Variants in STK38L observed in about 807,000 individuals in gnomAD.
STK38L encodes the protein serine/threonine kinase 38 like.
STK38L carries 28 observed loss-of-function variants against 59.7 expected under a neutral mutation model. The ratio of observed to expected loss-of-function variants is 0.47; its 90% CI spans 0.35 to 0.64. STK38L has a LOEUF of 0.64. Ranked by LOEUF, STK38L falls within the 30% of genes least tolerant of loss-of-function variation. The pLI is 0.01. For synonymous variants in STK38L, 162 were observed against 176.8 expected (o/e 0.92, Z 0.66); for missense variants, 314 against 555.8 (o/e 0.56, Z 4.37).
intron 1 of STK38L, chr12:27,245,618 ATTAAG>A (rs1035173063): frequency 6.6e-6 from 1 of 152,116 alleles, no homozygotes; most frequent in African/African-American, 2.4e-5. Context: ...ATGTAAAACA[ATTAAG>A]TTTATTATAC....
At chr12:27,312,794 T>A in intron 6 of STK38L, 122 bp downstream of exon 6, 1 of 1,184,936 alleles carries the variant, frequency 8.4e-7, no homozygotes, top group Non-Finnish European at 1.2e-6. Flanking sequence ...AGTCACAGTT[T>A]AAAAATATTT....
At chr12:27,282,311 AATT>A (rs1476090564) in intron 1 of STK38L, among the ~76,000 whole-genome samples, 3 of 152,180 alleles carry the variant, frequency 2.0e-5, no homozygotes, top group Admixed American at 6.5e-5. Context: ...TATAAGTAGA[AATT>A]ATGTAAATAT....
chr12:27,322,569 C>A lies in STK38L; in HGVS notation c.*114C>A. 1 of 1,376,394 alleles carries A rather than the reference C, an allele frequency of 7.3e-7. No homozygotes were observed. The highest frequency in any genetic ancestry group is 9.6e-7 in the Non-Finnish European group (1 of 1,040,392). The allele number at this position is 1,376,394 out of a possible 1,614,324, so 85.3% of individuals were successfully genotyped here. ...TCCTGAAGATGGTGGTGCTTATTGA[C>A]TACAAGAGGAAATTCTACAGGATTA... On this transcript the variant is annotated 3_prime_UTR_variant, in exon 14 of 14. Coordinates refer to ENST00000389032, the MANE Select transcript of STK38L (RefSeq NM_015000.4).
At chr12:27,307,576 C>CT (rs1486885949) in intron 3 of STK38L, among the ~76,000 whole-genome samples, 2 of 152,160 alleles carry the variant, frequency 1.3e-5, no homozygotes, top group African/African-American at 4.8e-5. Context: ...TTCTTTTCCA[C>CT]TTAGTGTTTC....
At chr12:27,321,897 A>AT (rs1382315903) in intron 12 of STK38L, among the ~76,000 whole-genome samples, 1 of 152,158 alleles carries the variant, frequency 6.6e-6, no homozygotes, top group African/African-American at 2.4e-5. Context: ...CCCTATAAAT[A>AT]TATATACCTA....
At chr12:27,277,227 CGAGTAATTACTCGTACTTTTAAAAGTAT>C (rs1943555095) in intron 1 of STK38L, among the ~76,000 whole-genome samples, 2 of 148,008 alleles carry the variant, frequency 1.4e-5, no homozygotes, top group Non-Finnish European at 3.0e-5. Context: ...ATTTAAAGTA[CGAGTAATTACTCGTACTTTTAAAAGTAT>C]AAAGTATAAA....
At chr12:27,279,670 C>T (rs1005433065) in intron 1 of STK38L, among the ~76,000 whole-genome samples, 3 of 134,760 alleles carry the variant, frequency 2.2e-5, no homozygotes, top group African/African-American at 2.7e-5. Context: ...GAAGTTTCAG[C>T]GAGCTAAAAA....
intron 3 of STK38L, among the ~76,000 whole-genome samples, chr12:27,307,530 A>T (rs1800382144): frequency 1.3e-5 from 2 of 152,212 alleles, no homozygotes. Context: ...ATTCAGTTGA[A>T]GATGAACAGG....
intron 1 of STK38L, among the ~76,000 whole-genome samples, chr12:27,269,304 G>T (rs2136616472): frequency 6.6e-6 from 1 of 152,246 alleles, no homozygotes; most frequent in African/African-American, 2.4e-5. Context: ...TGTATAAGGT[G>T]TAAGGAAGGG....
At chr12:27,248,503 GA>G (rs1942904690) in intron 1 of STK38L, among the ~76,000 whole-genome samples, 1 of 152,148 alleles carries the variant, frequency 6.6e-6, no homozygotes, top group Non-Finnish European at 1.5e-5. Flanking sequence ...TTAAAGGTTA[GA>G]AAAAAAGTAT....
rs1187102840 is a variant in STK38L at position 27,323,501 on chromosome 12, G to T, written c.*1046G>T. 6.6e-6 allele frequency: 1 copy of T among 152,488 alleles called. No homozygotes were observed. The highest frequency in any genetic ancestry group is 1.5e-5 in the Non-Finnish European group (1 of 67,976). The allele number at this position is 152,488 out of a possible 1,614,324, so 9.4% of individuals were successfully genotyped here. A position where few individuals can be genotyped will look rare whatever the true frequency, so the allele number is the denominator to read the frequency against. On this transcript the variant is annotated 3_prime_UTR_variant, in exon 14 of 14. Coordinates refer to ENST00000389032, the MANE Select transcript of STK38L (RefSeq NM_015000.4). ...TTTGATGAAAATTTTTCCTTTGATAGTACTTGTATTATTGTGCCATTATTT... is the reference window on the plus strand; with the variant it reads ...TTTGATGAAAATTTTTCCTTTGATATTACTTGTATTATTGTGCCATTATTT...
chr12:27,253,817 ATTG>A (rs1943029487), intron 1 of STK38L, among the ~76,000 whole-genome samples: 1 of 152,170 alleles, frequency 6.6e-6, no homozygotes, highest in African/African-American at 2.4e-5. Flanking sequence ...AGGAACCGGA[ATTG>A]TTGCCGTGAT....
At chr12:27,317,484 T>C (rs1472298157) in intron 10 of STK38L, 31 bp downstream of exon 10, 3 of 1,488,338 alleles carry the variant, frequency 2.0e-6, no homozygotes, top group Non-Finnish European at 2.8e-6. Flanking sequence ...ATGTACAAAA[T>C]ATATACATTT....
Position 27,249,716 on chromosome 12 carries a change from T to A in STK38L, c.-12+5384T>A, listed in dbSNP as rs150043097. On this transcript the variant is annotated intron_variant, in intron 1 of 13. Transcript: ENST00000389032. ...CCAGATCAGTTGGTAACCCAAATTG[T>A]TGATTCTCTGGCCATTTATACAGAA... is the stretch of plus-strand genomic sequence containing the variant. Among the ~76,000 whole-genome samples, 409 of 152,356 alleles carry A rather than the reference T, an allele frequency of 2.7e-3. 1 individual carries two copies. Among genetic ancestry groups the A allele is most frequent in the African/African-American group, 9.0e-3 (376 of 41,586 alleles).
intron 1 of STK38L, among the ~76,000 whole-genome samples, chr12:27,296,276 A>G (rs16931850): frequency 0.012 from 1,879 of 152,344 alleles, 45 homozygotes; most frequent in African/African-American, 0.043. Context: ...GCAATGAGGA[A>G]CCATGACTGA....
intron 1 of STK38L, among the ~76,000 whole-genome samples, chr12:27,274,029 C>T (rs997225821): frequency 6.6e-6 from 1 of 151,858 alleles, no homozygotes; most frequent in East Asian, 1.9e-4. Flanking sequence ...CTGAGGTGGG[C>T]GGATCACAAG....
intron 9 of STK38L, among the ~76,000 whole-genome samples, chr12:27,315,562 G>C (rs1351826176): frequency 6.6e-6 from 1 of 152,168 alleles, no homozygotes; most frequent in African/African-American, 2.4e-5. Flanking sequence ...CTTTAGAGTA[G>C]TTTACTGAGC....
At chr12:27,274,233 C>A (rs377619078) in intron 1 of STK38L, among the ~76,000 whole-genome samples, 43 of 143,242 alleles carry the variant, frequency 3.0e-4, no homozygotes, top group South Asian at 6.8e-4. Context: ...AAGACTCTGT[C>A]AAAAAAAAAA....
intron 1 of STK38L, among the ~76,000 whole-genome samples, chr12:27,275,037 A>T (rs535718795): frequency 3.8e-4 from 58 of 152,312 alleles, no homozygotes; most frequent in African/African-American, 1.4e-3. Context: ...TCTAAATTGT[A>T]AATTGGACCA....
Sources: allele counts gnomAD v4.1 joint callset (sites outside exome capture counted in the v4.1 genomes callset), GRCh38; gene constraint gnomAD v4.1.1; transcripts MANE v1.5; gene names NCBI Gene and HGNC (gene_info 2026-07-23, HGNC 2026-07-21).